The following COL5A2 variants were observed in gnomAD, a reference collection of about 807,000 sequenced individuals.
The protein encoded by COL5A2 is collagen type V alpha 2 chain.
COL5A2 carries 23 observed loss-of-function variants against 208.2 expected under a neutral mutation model. The ratio of observed to expected loss-of-function variants is 0.11; its 90% CI spans 0.08 to 0.16. COL5A2 has a LOEUF of 0.16. Among genes scored for constraint, COL5A2 ranks in the 10% least tolerant of loss-of-function variants. The probability of loss-of-function intolerance (pLI) is 1.00; values close to 1 mark genes in which losing one functional copy is unlikely to be tolerated. For synonymous variants in COL5A2, 625 were observed against 628.5 expected (o/e 0.99, Z 0.08); for missense variants, 1,590 against 1,956.4 (o/e 0.81, Z 3.53).
At chr2:189,250,846 C>T in the COL5A2 span, among the ~76,000 whole-genome samples, 62 of 152,274 alleles carry the variant, frequency 4.1e-4, no homozygotes, top group Non-Finnish European at 7.9e-4. Context: ...ATCTTCATTC[C>T]TTTACCCTTG....
chr2:189,148,049 G>T (rs1688074026), intron 1 of COL5A2, among the ~76,000 whole-genome samples: 1 of 152,106 alleles, frequency 6.6e-6, no homozygotes. Context: ...TTAATAGAAA[G>T]AGGACAAATG....
chr2:189,432,951 T>G, the COL5A2 span, among the ~76,000 whole-genome samples: 1 of 152,140 alleles, frequency 6.6e-6, no homozygotes, highest in Non-Finnish European at 1.5e-5. Flanking sequence ...CCTCACCAAA[T>G]GTAAAAGAAC....
chr2:189,226,906 G>C (rs1178090014), upstream of COL5A2, among the ~76,000 whole-genome samples: 1 of 152,168 alleles, frequency 6.6e-6, no homozygotes, highest in Non-Finnish European at 1.5e-5. Flanking sequence ...GCATGTTGCT[G>C]CTCAGATAGG....
the COL5A2 span, among the ~76,000 whole-genome samples, chr2:189,378,686 T>C: frequency 6.7e-6 from 1 of 148,312 alleles, no homozygotes; most frequent in Non-Finnish European, 1.5e-5. Flanking sequence ...ATCACGCCAC[T>C]GCACTCTAGC....
At chr2:189,234,667 A>C in the COL5A2 span, among the ~76,000 whole-genome samples, 2 of 151,784 alleles carry the variant, frequency 1.3e-5, no homozygotes, top group Non-Finnish European at 2.9e-5. Flanking sequence ...CAGGACCTAG[A>C]ATCATGTAAA....
chr2:189,439,426 T>G, the COL5A2 span, among the ~76,000 whole-genome samples: 1 of 152,206 alleles, frequency 6.6e-6, no homozygotes, highest in Non-Finnish European at 1.5e-5. Context: ...TATTCCCTTA[T>G]TTCTTCTAAC....
intron 1 of COL5A2, among the ~76,000 whole-genome samples, chr2:189,195,166 T>G (rs147587896): frequency 2.1e-3 from 326 of 152,212 alleles, no homozygotes; most frequent in African/African-American, 6.7e-3. Flanking sequence ...AGCATTCCTA[T>G]ACACCAACAA....
At chr2:189,239,296 C>G in the COL5A2 span, among the ~76,000 whole-genome samples, 3 of 151,894 alleles carry the variant, frequency 2.0e-5, no homozygotes, top group Non-Finnish European at 4.4e-5. Context: ...CTGACCTATT[C>G]CCAGGAACCT....
At chr2:189,381,598 A>G in the COL5A2 span, among the ~76,000 whole-genome samples, 2 of 152,114 alleles carry the variant, frequency 1.3e-5, no homozygotes, top group African/African-American at 4.8e-5. Context: ...ATAATTCTAC[A>G]ACATTCTACT....
chr2:189,075,901 T>C (rs1241143013), intron 16 of COL5A2, among the ~76,000 whole-genome samples: 1 of 152,148 alleles, frequency 6.6e-6, no homozygotes, highest in Non-Finnish European at 1.5e-5. Context: ...CAGCTGGAAA[T>C]ATAACCTGCT....
At chr2:189,307,828 C>T in the COL5A2 span, among the ~76,000 whole-genome samples, 1 of 152,208 alleles carries the variant, frequency 6.6e-6, no homozygotes, top group South Asian at 2.1e-4. Flanking sequence ...GAAAATAAAT[C>T]CTTTATCACA....
chr2:189,251,657 T>TA, the COL5A2 span, among the ~76,000 whole-genome samples: 88,242 of 144,556 alleles, frequency 0.61, 28,251 homozygotes, highest in East Asian at 0.72. Context: ...CAAAAGACAG[T>TA]AAAAAAAAAA....
chr2:189,357,955 C>T, the COL5A2 span, among the ~76,000 whole-genome samples: 4 of 152,158 alleles, frequency 2.6e-5, no homozygotes, highest in South Asian at 4.1e-4. Context: ...CAGCCCCTCA[C>T]GGCTTCCCTT....
the COL5A2 span, among the ~76,000 whole-genome samples, chr2:189,404,469 T>C: frequency 6.6e-6 from 1 of 152,172 alleles, no homozygotes; most frequent in Non-Finnish European, 1.5e-5. Flanking sequence ...CCCAACTTCC[T>C]TATTCTCAGG....
At chr2:189,336,810 G>A in the COL5A2 span, among the ~76,000 whole-genome samples, 1 of 152,010 alleles carries the variant, frequency 6.6e-6, no homozygotes, top group Non-Finnish European at 1.5e-5. Context: ...CAAAATCTTT[G>A]GAATTGTAAA....
chr2:189,195,508 A>G (rs1184025487), intron 1 of COL5A2, among the ~76,000 whole-genome samples: 1 of 152,136 alleles, frequency 6.6e-6, no homozygotes. Flanking sequence ...TATAGCCAAG[A>G]CAATCCTAAG....
chr2:189,185,239 G>C (rs1688835726), intron 1 of COL5A2, among the ~76,000 whole-genome samples: 1 of 152,058 alleles, frequency 6.6e-6, no homozygotes, highest in South Asian at 2.1e-4. Context: ...TGGCCAGGCT[G>C]GTCTCAAACT....
At chr2:189,243,128 G>A in the COL5A2 span, among the ~76,000 whole-genome samples, 1 of 152,106 alleles carries the variant, frequency 6.6e-6, no homozygotes, top group Non-Finnish European at 1.5e-5. Flanking sequence ...CCAAGTGAGT[G>A]ATGAACAATC....
At chr2:189,229,221 T>C (rs540266077), upstream of COL5A2, among the ~76,000 whole-genome samples, 20 of 151,786 alleles carry the variant, frequency 1.3e-4, no homozygotes, top group African/African-American at 4.6e-4. Context: ...GAAAAACTGA[T>C]AGTTTTTCCT....
Sources: allele counts gnomAD v4.1 joint callset (sites outside exome capture counted in the v4.1 genomes callset), GRCh38; gene constraint gnomAD v4.1.1; transcripts MANE v1.5; gene names NCBI Gene and HGNC (gene_info 2026-07-23, HGNC 2026-07-21).